YLPM1: variants seen among roughly 807,000 people sequenced by gnomAD.
YLPM1 encodes YLP motif containing 1, also known as YLP motif-containing protein 1.
In YLPM1, 99 loss-of-function variants were observed where a neutral mutation model predicts 230.0. The ratio of observed to expected loss-of-function variants is 0.43; its 90% CI spans 0.37 to 0.51. The LOEUF is 0.51. YLPM1 is among the 20% of genes least tolerant of loss of function. The pLI is 0.00. For missense variants in YLPM1, 2,592 were observed against 2,707.7 expected, an observed-to-expected ratio of 0.96 and a Z score of 0.95; for synonymous variants, 984 against 942.5, an observed-to-expected ratio of 1.04 and a Z score of -0.81.
chr14:74,796,896 G>A (rs1255745854), intron 4 of YLPM1, among the ~76,000 whole-genome samples: 1 of 150,024 alleles, frequency 6.7e-6, no homozygotes, highest in East Asian at 2.0e-4. Flanking sequence ...AGTTAGTTAT[G>A]GAATTTGTTA....
chr14:74,822,222 G>A (rs973751723), intron 17 of YLPM1: 15 of 152,170 alleles, frequency 9.9e-5, no homozygotes, highest in East Asian at 3.9e-4. Context: ...CAAGGTCCAC[G>A]CTCTTCTGGA....
chr14:74,815,795 A>G (rs923791393), intron 11 of YLPM1, among the ~76,000 whole-genome samples: 1 of 151,758 alleles, frequency 6.6e-6, no homozygotes, highest in Non-Finnish European at 1.5e-5. Context: ...ATAGCTATCA[A>G]TTTCCTTTTA....
At chr14:74,827,987 G>T (rs1406080931) in intron 18 of YLPM1, 10 of 985,246 alleles carry the variant, frequency 1.0e-5, no homozygotes, top group African/African-American at 1.7e-5. Context: ...AACTGTTGCA[G>T]TTCGCCTTAC....
intron 1 of YLPM1, among the ~76,000 whole-genome samples, chr14:74,768,548 G>T (rs1302539278): frequency 6.6e-6 from 1 of 152,164 alleles, no homozygotes; most frequent in Non-Finnish European, 1.5e-5. Context: ...CGCCCGGTCG[G>T]AATGTGTCTT....
chr14:74,824,127 A>C (rs1056531701), intron 17 of YLPM1, 129 bp from the exon 18 acceptor site: 11 of 808,896 alleles, frequency 1.4e-5, no homozygotes, highest in East Asian at 2.8e-5. Context: ...GTTTCCCCTA[A>C]GGATGTATTT....
chr14:74,792,243 C>G (rs555089800), intron 4 of YLPM1, among the ~76,000 whole-genome samples: 100 of 152,298 alleles, frequency 6.6e-4, no homozygotes, highest in African/African-American at 2.3e-3. Context: ...GCCAAGCCTT[C>G]ACTACTTCGC....
chr14:74,806,685 A>C (rs2091381826), intron 6 of YLPM1, among the ~76,000 whole-genome samples: 1 of 152,134 alleles, frequency 6.6e-6, no homozygotes. Context: ...ATATTTAATA[A>C]TTTTAATACA....
At chr14:74,787,592 C>G (rs2091162374) in intron 4 of YLPM1, among the ~76,000 whole-genome samples, 1 of 150,694 alleles carries the variant, frequency 6.6e-6, no homozygotes, top group South Asian at 2.1e-4. Context: ...AAAAAAGAAA[C>G]TAAACGCTGC....
rs370377125 is a variant in YLPM1 at position 74,782,093 on chromosome 14, A to G, written c.2050A>G (p.Thr684Ala). 333 of 1,613,824 alleles carry G rather than the reference A, an allele frequency of 2.1e-4. No individual in the cohort carries two copies. Among genetic ancestry groups the G allele is most frequent in the Non-Finnish European group, 2.7e-4 (319 of 1,179,874 alleles). Residue 684 changes from threonine (T) to alanine (A), a missense_variant, in exon 4 of 21, where the codon ACT (threonine) becomes GCT (alanine). Physicochemically the swap from Thr to Ala is moderately conservative, Grantham distance 58. Around this residue, in one of 4 missense-constraint regions of YLPM1, gnomAD observed 1,862 missense variants for 1,819.8 expected, o/e 1.02. Transcript: ENST00000325680. Reference sequence around the variant, plus strand: ...GTCTTTTGGTTCTGCCCCACCGACAACTTACCATCCTCCGTTGCAATCAGC... The same window carrying G: ...GTCTTTTGGTTCTGCCCCACCGACAGCTTACCATCCTCCGTTGCAATCAGC... The part of the protein sequence containing the change: ...PVSFGSAPPT[T>A]YHPPLQSAGP...
At chr14:74,770,045 G>A (rs921715258) in intron 1 of YLPM1, among the ~76,000 whole-genome samples, 11 of 151,938 alleles carry the variant, frequency 7.2e-5, no homozygotes, top group African/African-American at 2.7e-4. Context: ...AGCCGGGCGT[G>A]GTGGTGGGCG....
intron 11 of YLPM1, among the ~76,000 whole-genome samples, chr14:74,814,044 GA>G (rs1236236467): frequency 6.6e-6 from 1 of 152,146 alleles, no homozygotes; most frequent in Non-Finnish European, 1.5e-5. Context: ...GATTTAGAGA[GA>G]AAAAAATACA....
chr14:74,782,109 T>C lies in YLPM1; in HGVS notation c.2066T>C (p.Leu689Ser). 1 of 1,613,906 alleles carries C rather than the reference T, an allele frequency of 6.2e-7. No individual in the cohort carries two copies. Among genetic ancestry groups the C allele is most frequent in the East Asian group, 2.2e-5 (1 of 44,884 alleles). ...SAPPTTYHPP[L>S]QSAGPSEQVN... ...CCACCGACAACTTACCATCCTCCGT[T>C]GCAATCAGCTGGTCCATCAGAACAA... Residue 689 changes from leucine to serine, a missense_variant, in exon 4 of 21, where the codon TTG (leucine) becomes TCG (serine). Coordinates refer to ENST00000325680, the MANE Select transcript of YLPM1 (RefSeq NM_019589.3).
At chr14:74,791,128 C>T (rs1303022919) in intron 4 of YLPM1, among the ~76,000 whole-genome samples, 2 of 152,094 alleles carry the variant, frequency 1.3e-5, no homozygotes, top group Non-Finnish European at 2.9e-5. Flanking sequence ...ATTAGCCAGG[C>T]ATGGTGGCAG....
chr14:74,810,126 A>C, intron 8 of YLPM1, 99 bp from the exon 9 acceptor site: 1 of 1,485,636 alleles, frequency 6.7e-7, no homozygotes, highest in Non-Finnish European at 9.0e-7. Context: ...AGTTGAATTT[A>C]TGGCAAAAAT....
intron 11 of YLPM1, among the ~76,000 whole-genome samples, chr14:74,814,964 A>G (rs574591787): frequency 1.3e-5 from 2 of 152,302 alleles, no homozygotes; most frequent in African/African-American, 4.8e-5. Flanking sequence ...ACATCTTTCC[A>G]GGAATTTGTC....
chr14:74,835,657 C>A (rs2091637778), intron 20 of YLPM1, 118 bp from the exon 21 acceptor site: 4 of 474,502 alleles, frequency 8.4e-6, no homozygotes, highest in African/African-American at 7.9e-5. Flanking sequence ...AAAATAAAAA[C>A]CTTGAGAAAA....
At chr14:74,767,333 A>G (rs1342789767) in intron 1 of YLPM1, among the ~76,000 whole-genome samples, 1 of 152,194 alleles carries the variant, frequency 6.6e-6, no homozygotes, top group Non-Finnish European at 1.5e-5. Flanking sequence ...ATGTTAAAAT[A>G]CCCCAAATTG....
chr14:74,774,903 G>T lies in YLPM1; in HGVS notation c.874-3544G>T, dbSNP rs2091018328. On this transcript the variant is annotated intron_variant, in intron 1 of 20. Coordinates refer to ENST00000325680, the MANE Select transcript of YLPM1 (RefSeq NM_019589.3). The stretch of plus-strand genomic sequence containing the variant: ...GACTAGGAGCCTAGGGCTCGCTGCT[G>T]CTGTCCAGCATCACAAGAGAGTATC... Among the ~76,000 whole-genome samples, 3 of 152,148 alleles carry T rather than the reference G, an allele frequency of 2.0e-5. No individual in the cohort carries two copies. In the South Asian group the frequency reaches 6.2e-4, roughly 31 times the overall value.
chr14:74,835,412 G>A lies in YLPM1; in HGVS notation c.*1G>A, dbSNP rs1424835717. 4.3e-6 allele frequency: 7 copies of A among 1,613,312 alleles called. No homozygotes were observed. The highest frequency in any genetic ancestry group is 2.2e-5 in the East Asian group (1 of 44,868). On this transcript the variant is annotated 3_prime_UTR_variant, in exon 20 of 21. Transcript: ENST00000325680. ...CCTCAATCGAACCAAATATATATGAGACTTAGTTTTTGAACGGAGTCATTA... is the reference window on the plus strand; with the variant it reads ...CCTCAATCGAACCAAATATATATGAAACTTAGTTTTTGAACGGAGTCATTA...
Sources: allele counts gnomAD v4.1 joint callset (sites outside exome capture counted in the v4.1 genomes callset), GRCh38; gene constraint gnomAD v4.1.1; regional missense constraint gnomAD v4.1.1; transcripts MANE v1.5; gene names NCBI Gene and HGNC (gene_info 2026-07-23, HGNC 2026-07-21).